The following PHF14 variants were observed in gnomAD, a reference collection of about 807,000 sequenced individuals.
The protein encoded by PHF14 is PHD finger protein 14.
A neutral mutation model predicts 117.9 loss-of-function variants in PHF14; 55 were observed. That is an observed-to-expected ratio of 0.47 (90% CI 0.38 to 0.58). The LOEUF is 0.58. Among genes scored for constraint, PHF14 ranks in the 20% least tolerant of loss-of-function variants. PHF14 has a pLI of 0.00. For missense variants in PHF14, 978 were observed against 1,122.2 expected, an observed-to-expected ratio of 0.87 and a Z score of 1.84; for synonymous variants, 409 against 368.6, an observed-to-expected ratio of 1.11 and a Z score of -1.26.
intron 17 of PHF14, among the ~76,000 whole-genome samples, chr7:11,133,410 G>T (rs892956013): frequency 1.3e-5 from 2 of 151,930 alleles, no homozygotes; most frequent in Non-Finnish European, 2.9e-5. Context: ...ATAGTTAACT[G>T]ATACTTGACA....
At chr7:10,995,434 G>T (rs1782603788) in intron 4 of PHF14, among the ~76,000 whole-genome samples, 1 of 152,228 alleles carries the variant, frequency 6.6e-6, no homozygotes, top group African/African-American at 2.4e-5. Context: ...CAATCCCTTA[G>T]CTAGACATAA....
At chr7:10,984,405 G>A (rs1782146606) in intron 3 of PHF14, among the ~76,000 whole-genome samples, 1 of 152,042 alleles carries the variant, frequency 6.6e-6, no homozygotes, top group South Asian at 2.1e-4. Flanking sequence ...TACCTTTAAA[G>A]GAAAGTTGTC....
intron 14 of PHF14, among the ~76,000 whole-genome samples, chr7:11,052,581 C>T (rs1193523367): frequency 6.6e-6 from 1 of 152,186 alleles, no homozygotes; most frequent in Non-Finnish European, 1.5e-5. Flanking sequence ...AACCAGTTCA[C>T]ACTCATACCA....
intron 16 of PHF14, among the ~76,000 whole-genome samples, chr7:11,074,282 C>G (rs1785741760): frequency 6.6e-6 from 1 of 151,338 alleles, no homozygotes; most frequent in African/African-American, 2.4e-5. Flanking sequence ...ACGATCTCAG[C>G]TCACTGCAAG....
chr7:11,128,868 T>C (rs577074580), intron 17 of PHF14, among the ~76,000 whole-genome samples: 8 of 152,166 alleles, frequency 5.3e-5, no homozygotes, highest in Non-Finnish European at 1.0e-4. Context: ...GTTTAAATTA[T>C]AGTTTTCTAG....
intron 17 of PHF14, among the ~76,000 whole-genome samples, chr7:11,114,719 C>A (rs1010977843): frequency 2.0e-5 from 3 of 152,012 alleles, no homozygotes; most frequent in Non-Finnish European, 2.9e-5. Context: ...ACAAACATAT[C>A]CACACGTATT....
chr7:11,029,153 G>T (rs541001013), intron 7 of PHF14, among the ~76,000 whole-genome samples: 1 of 152,240 alleles, frequency 6.6e-6, no homozygotes, highest in Non-Finnish European at 1.5e-5. Context: ...AGCTGAAACT[G>T]TATTTGGGTA....
chr7:11,137,103 A>G (rs1242511113), intron 17 of PHF14, among the ~76,000 whole-genome samples: 1 of 152,220 alleles, frequency 6.6e-6, no homozygotes, highest in African/African-American at 2.4e-5. Context: ...ACCCTTCCCA[A>G]GAAAATTTTA....
intron 17 of PHF14, among the ~76,000 whole-genome samples, chr7:11,141,090 C>T (rs1304427287): frequency 6.6e-6 from 1 of 152,084 alleles, no homozygotes; most frequent in Non-Finnish European, 1.5e-5. Flanking sequence ...CTTAACCCTC[C>T]TGAGTTTACA....
chr7:11,002,245 T>C (rs1782902783), intron 4 of PHF14, among the ~76,000 whole-genome samples: 1 of 151,940 alleles, frequency 6.6e-6, no homozygotes, highest in African/African-American at 2.4e-5. Flanking sequence ...TTGAGAGACA[T>C]TGGTTTAGAA....
intron 16 of PHF14, among the ~76,000 whole-genome samples, chr7:11,071,089 A>G (rs913701622): frequency 6.6e-6 from 1 of 152,214 alleles, no homozygotes; most frequent in Non-Finnish European, 1.5e-5. Flanking sequence ...TACTGCACTG[A>G]GAGTTAGGAG....
At chr7:10,993,691 G>A (rs189129370) in intron 4 of PHF14, among the ~76,000 whole-genome samples, 20 of 152,200 alleles carry the variant, frequency 1.3e-4, no homozygotes, top group Non-Finnish European at 2.5e-4. Flanking sequence ...GGTTGGGTGA[G>A]TTGCAGAAGT....
At chr7:11,046,186 G>A (rs905566496) in intron 13 of PHF14, among the ~76,000 whole-genome samples, 3 of 152,048 alleles carry the variant, frequency 2.0e-5, no homozygotes, top group African/African-American at 7.2e-5. Context: ...TTTTGTTGTT[G>A]TTTTTAAAAA....
chr7:11,039,527 C>T (rs73678568), intron 11 of PHF14, among the ~76,000 whole-genome samples: 4,043 of 152,094 alleles, frequency 0.027, 190 homozygotes, highest in African/African-American at 0.093. Flanking sequence ...TTACAGTTTT[C>T]GCAAATATTT....
chr7:11,024,426 C>G (rs1352946105), intron 6 of PHF14, among the ~76,000 whole-genome samples: 2 of 152,156 alleles, frequency 1.3e-5, no homozygotes, highest in Non-Finnish European at 2.9e-5. Context: ...GTAGATGAAA[C>G]AGTCTTCTAT....
chr7:11,012,077 C>T (rs760919364), intron 4 of PHF14, among the ~76,000 whole-genome samples: 1 of 152,112 alleles, frequency 6.6e-6, no homozygotes, highest in Non-Finnish European at 1.5e-5. Flanking sequence ...TTCTAAGATA[C>T]CGGCAGCCTC....
In PHF14 at chr7:10,985,705, T is replaced by C. The variant is rs1331954231; in HGVS notation, c.900+2546T>C. Among the ~76,000 whole-genome samples, 4 of 122,648 alleles carry C rather than the reference T, an allele frequency of 3.3e-5. No individual in the cohort carries two copies. In the East Asian group the frequency reaches 1.1e-3, roughly 34 times the overall value. The allele number at this position is 122,648 out of a possible 152,430, so 80.5% of individuals were successfully genotyped here. A position where few individuals can be genotyped will look rare whatever the true frequency, so the allele number is the denominator to read the frequency against. On this transcript the variant is annotated intron_variant, in intron 3 of 17. Transcript: ENST00000634607. Reference sequence around the variant, plus strand: ...TCTCACTCTGTTGCCTAGGCTGGAGTACAGTGGCATGATCTCGGCTCACTG... The same window carrying C: ...TCTCACTCTGTTGCCTAGGCTGGAGCACAGTGGCATGATCTCGGCTCACTG...
At chr7:11,054,135 G>A (rs972998877) in intron 14 of PHF14, among the ~76,000 whole-genome samples, 25 of 151,570 alleles carry the variant, frequency 1.6e-4, no homozygotes, top group African/African-American at 5.6e-4. Flanking sequence ...TGGTAGCATA[G>A]AGTACTGTGT....
At chr7:10,991,875 G>A (rs1183220874) in intron 4 of PHF14, among the ~76,000 whole-genome samples, 1 of 145,970 alleles carries the variant, frequency 6.9e-6, no homozygotes, top group Non-Finnish European at 1.5e-5. Context: ...TGAGATTACA[G>A]GCATGAACCA....
Sources: gnomAD v4.1 joint callset for allele counts (sites outside exome capture counted in the v4.1 genomes callset) on GRCh38, gnomAD v4.1.1 for gene constraint, MANE v1.5 for transcripts, NCBI Gene and HGNC (gene_info 2026-07-23, HGNC 2026-07-21) for gene names.